ALG1: variants seen among roughly 807,000 people sequenced by gnomAD.
ALG1 encodes chitobiosyldiphosphodolichol beta-mannosyltransferase.
Under a neutral mutation model 55.1 loss-of-function variants are expected in ALG1, and 58 were observed. That is an observed-to-expected ratio of 1.05 (90% CI 0.85 to 1.31). The LOEUF (loss-of-function observed/expected upper bound fraction) is 1.31, where lower values mean the gene tolerates loss of function less well. Among genes scored for constraint, ALG1 ranks in the 50% most tolerant of loss-of-function variants. ALG1 has a pLI of 0.00. For missense variants in ALG1, 761 were observed against 598.6 expected, an observed-to-expected ratio of 1.27 and a Z score of -2.83; for synonymous variants, 309 against 247.0, an observed-to-expected ratio of 1.25 and a Z score of -2.35.
chr16:5,084,017 G>C (rs1199218604), intron 12 of ALG1, among the ~76,000 whole-genome samples: 1 of 152,218 alleles, frequency 6.6e-6, no homozygotes, highest in African/African-American at 2.4e-5. Context: ...GCTGGAGCTG[G>C]GTGGGCCGGG....
Position 5,077,494 on chromosome 16 carries a change from A to G in ALG1, c.589A>G (p.Asn197Asp), listed in dbSNP as rs1189532385. The change falls in exon 5 of 13, where the codon AAT becomes GAT. Residue 197 changes from asparagine to aspartate, a missense_variant. By Grantham distance (23) the Asn-to-Asp change is conservative. Coordinates refer to ENST00000262374, the MANE Select transcript of ALG1 (RefSeq NM_019109.5). ...GTCCCACCTGAACCTGTGTGTTACC[A>G]ATGCTATGCGAGAAGACCTGGCGGA... Reference protein sequence around the residue: ...RLSHLNLCVTNAMREDLADNW... With the variant: ...RLSHLNLCVTDAMREDLADNW... 2 of 1,614,062 alleles carry G rather than the reference A, an allele frequency of 1.2e-6. No homozygotes were observed. The highest frequency in any genetic ancestry group is 1.3e-5 in the African/African-American group (1 of 74,912).
chr16:5,079,869 A>G, intron 9 of ALG1, 62 bp downstream of exon 9: 3 of 1,561,576 alleles, frequency 1.9e-6, no homozygotes, highest in South Asian at 1.1e-5. Context: ...AGGGGCACGC[A>G]GCCTTTACCC....
chr16:5,077,135 TAC>T (rs1956927822), intron 4 of ALG1, among the ~76,000 whole-genome samples: 2 of 152,204 alleles, frequency 1.3e-5, no homozygotes, highest in African/African-American at 2.4e-5. Context: ...TTGGCAGTGA[TAC>T]ACAGTGTCCT....
chr16:5,080,406 G>A (rs1956996465), intron 9 of ALG1, among the ~76,000 whole-genome samples: 1 of 152,090 alleles, frequency 6.6e-6, no homozygotes, highest in Non-Finnish European at 1.5e-5. Flanking sequence ...TTTTTCAAAC[G>A]GAAGAGCCCC....
rs1310088513 is a variant in ALG1 at position 5,075,513 on chromosome 16, T to G, written c.516T>G (p.His172Gln). Residue 172 changes from histidine to glutamine, a missense_variant, in exon 4 of 13, where the codon CAT becomes CAG. Transcript: ENST00000262374. ...SIMGLVHGPN[H>Q]PLVLLAKWYE... ...TGGGTCTGGTGCATGGCCCCAACCA[T>G]CCCCTCGTTCTGCTGGCCAAGTGGT... The G allele has an allele frequency of 6.2e-7, 1 of 1,613,918 alleles. No individual in the cohort carries two copies. The highest frequency in any genetic ancestry group is 1.3e-5 in the African/African-American group (1 of 74,876).
chr16:5,073,016 CAG>C lies in ALG1; in HGVS notation c.277_278del (p.Leu94CysfsTer43). On this transcript the variant is annotated frameshift_variant, in exon 2 of 13. Coordinates refer to ENST00000262374, the MANE Select transcript of ALG1 (RefSeq NM_019109.5). LOFTEE classifies it high-confidence loss of function. ...TCAGATTGTGGGGTTGACAGAACTT[CAG>C]AGTCTTGCAGGTAGGATGCCGTCAA... ...RIQIVGLTEL[Q>X]SLAVGPRVFQ... is the part of the protein sequence containing the mutation. 2 of 1,614,176 alleles carry C rather than the reference CAG, an allele frequency of 1.2e-6. No individual in the cohort carries two copies. The highest frequency in any genetic ancestry group is 1.7e-6 in the Non-Finnish European group (2 of 1,180,018).
rs767455250 is a variant in ALG1 at position 5,071,878 on chromosome 16, C to A, written c.29C>A (p.Ala10Glu). MAASCLVLL[A>E]LCLLLPLLLL... is the part of the protein sequence containing the mutation. ...GCGGCCTCATGCTTGGTCCTGCTGG[C>A]GCTGTGTCTGCTGCTGCCGCTGCTG... The change falls in exon 1 of 13, where the codon GCG becomes GAG. Residue 10 changes from alanine to glutamate, a missense_variant. Physicochemically the swap from Ala to Glu is moderately radical, Grantham distance 107 (BLOSUM62 -1). Coordinates refer to ENST00000262374, the MANE Select transcript of ALG1 (RefSeq NM_019109.5). The A allele has an allele frequency of 2.9e-5, 46 of 1,604,104 alleles. No individual in the cohort carries two copies. Among genetic ancestry groups the A allele is most frequent in the Non-Finnish European group, 3.4e-5 (40 of 1,177,632 alleles).
Position 5,085,152 on chromosome 16 carries a change from C to T in ALG1, c.*271C>T. 1 of 616,828 alleles carries T rather than the reference C, an allele frequency of 1.6e-6. No individual in the cohort carries two copies. Among genetic ancestry groups the T allele is most frequent in the Non-Finnish European group, 2.8e-6 (1 of 356,810 alleles). The allele number at this position is 616,828 out of a possible 1,614,324, so 38.2% of individuals were successfully genotyped here. ...CTAGCGTATTACTGTTCTGTGACTT[C>T]CCTGTGACCTCTGCAGAACTCCTCA... is the stretch of plus-strand genomic sequence containing the variant. On this transcript the variant is annotated 3_prime_UTR_variant, in exon 13 of 13. Transcript: ENST00000262374.
rs190635590 is a variant in ALG1, at chr16:5,080,424, C to T, written c.962-522C>T. Reference sequence around the variant, plus strand: ...TTCAAACGGAAGAGCCCCTGTCCCACAGTTACTGCTGCTGAGCCCTTTCAA... The same window carrying T: ...TTCAAACGGAAGAGCCCCTGTCCCATAGTTACTGCTGCTGAGCCCTTTCAA... On this transcript the variant is annotated intron_variant, in intron 9 of 12. Transcript: ENST00000262374. 3.9e-5 allele frequency among the ~76,000 whole-genome samples: 6 copies of T among 152,312 alleles called. No homozygotes were observed. In the East Asian group the frequency reaches 9.6e-4, roughly 24 times the overall value.
At chr16:5,079,424 T>C (rs945021969) in intron 8 of ALG1, among the ~76,000 whole-genome samples, 2 of 152,196 alleles carry the variant, frequency 1.3e-5, no homozygotes, top group African/African-American at 4.8e-5. Context: ...GCATGGTGGC[T>C]CAAACCTGTA....
intron 10 of ALG1, among the ~76,000 whole-genome samples, chr16:5,082,300 GA>G (rs1957028783): frequency 6.6e-6 from 1 of 151,942 alleles, no homozygotes; most frequent in Non-Finnish European, 1.5e-5. Flanking sequence ...GTGACAGAAT[GA>G]GACTCTGTCT....
intron 12 of ALG1, chr16:5,084,447 A>C: frequency 1.8e-6 from 1 of 550,078 alleles, no homozygotes; most frequent in South Asian, 2.0e-5. Context: ...GATGGGTGAG[A>C]CTGCGTTGGC....
At chr16:5,081,178 C>G (rs1167509883) in intron 10 of ALG1, 122 bp downstream of exon 10, 5 of 1,204,086 alleles carry the variant, frequency 4.2e-6, no homozygotes, top group African/African-American at 1.5e-5. Flanking sequence ...TGGCTGAACT[C>G]CCAGGAGGAG....
At chr16:5,074,153 AT>A (rs1270058177) in intron 3 of ALG1, among the ~76,000 whole-genome samples, 2 of 149,712 alleles carry the variant, frequency 1.3e-5, no homozygotes, top group African/African-American at 4.9e-5. Context: ...TTATTTATTT[AT>A]TTTTATTTTT....
rs530996562 is a variant in ALG1, at chr16:5,073,744, C to T, written c.390+488C>T. Among the ~76,000 whole-genome samples the T allele has an allele frequency of 6.6e-5, 10 of 152,348 alleles. No individual in the cohort carries two copies. In the South Asian group the frequency reaches 2.1e-3, roughly 32 times the overall value. ...CATATATTTTTTTGAGACAGAGTTTCGCTCTTGCCGCCCAGGCTGGAGTGC... is the reference window on the plus strand; with the variant it reads ...CATATATTTTTTTGAGACAGAGTTTTGCTCTTGCCGCCCAGGCTGGAGTGC... On this transcript the variant is annotated intron_variant, in intron 3 of 12. Transcript: ENST00000262374.
intron 4 of ALG1, 110 bp from the exon 5 acceptor site, chr16:5,077,335 C>T: frequency 1.0e-6 from 1 of 978,888 alleles, no homozygotes; most frequent in South Asian, 1.3e-5. Context: ...TCAGGGAGCT[C>T]AAACTCTCCC....
At chr16:5,080,865 T>C (rs1567170557) in intron 9 of ALG1, 81 bp from the exon 10 acceptor site, 1 of 1,546,950 alleles carries the variant, frequency 6.5e-7, no homozygotes, top group East Asian at 2.2e-5. Flanking sequence ...GGATCCCTCC[T>C]AGGGGGGAGT....
intron 5 of ALG1, 30 bp downstream of exon 5, chr16:5,077,564 GGA>G (rs758407727): frequency 6.2e-7 from 1 of 1,609,492 alleles, no homozygotes; most frequent in Non-Finnish European, 8.5e-7. Flanking sequence ...CGGCGGCCTG[GGA>G]GAGGCGCGGG....
intron 12 of ALG1, chr16:5,084,220 G>C: frequency 3.5e-6 from 1 of 284,032 alleles, no homozygotes; most frequent in East Asian, 8.7e-5. Flanking sequence ...GTTTAGACTG[G>C]GTTCCCCAGT....
Sources: allele counts gnomAD v4.1 joint callset (sites outside exome capture counted in the v4.1 genomes callset), GRCh38; gene constraint gnomAD v4.1.1; transcripts MANE v1.5; gene names NCBI Gene and HGNC (gene_info 2026-07-23, HGNC 2026-07-21).